PRKAA1: variants seen among roughly 807,000 people sequenced by gnomAD.
The protein encoded by PRKAA1 is 5'-AMP-activated protein kinase catalytic subunit alpha-1.
A neutral mutation model predicts 56.9 loss-of-function variants in PRKAA1; 23 were observed. That is an observed-to-expected ratio of 0.40 (90% CI 0.29 to 0.57). The LOEUF (loss-of-function observed/expected upper bound fraction) is 0.57, where lower values mean the gene tolerates loss of function less well. Among genes scored for constraint, PRKAA1 ranks in the 20% least tolerant of loss-of-function variants. The pLI, the probability that PRKAA1 is intolerant of heterozygous loss-of-function variation, is 0.39. For missense variants in PRKAA1, 413 were observed against 679.7 expected (o/e 0.61, Z 4.36); for synonymous variants, 226 against 227.0 (o/e 1.00, Z 0.04).
intron 5 of PRKAA1, among the ~76,000 whole-genome samples, chr5:40,768,174 T>C (rs1743557652): frequency 6.6e-6 from 1 of 152,198 alleles, no homozygotes; most frequent in South Asian, 2.1e-4. Context: ...TTGCAGTGCA[T>C]TGTAGTCAAG....
chr5:40,765,364 T>C, intron 6 of PRKAA1, 126 bp from the exon 7 acceptor site: 1 of 1,174,426 alleles, frequency 8.5e-7, no homozygotes, highest in Non-Finnish European at 1.2e-6. Flanking sequence ...TTGTCACTTT[T>C]TGCACTGAAA....
At chr5:40,784,250 C>G (rs965447826) in intron 1 of PRKAA1, among the ~76,000 whole-genome samples, 1 of 152,168 alleles carries the variant, frequency 6.6e-6, no homozygotes, top group Non-Finnish European at 1.5e-5. Context: ...ATTGGTGATA[C>G]CTATCCATGT....
At chr5:40,785,822 GCACACACACA>G (rs147705979) in intron 1 of PRKAA1, among the ~76,000 whole-genome samples, 12 of 93,072 alleles carry the variant, frequency 1.3e-4, no homozygotes, top group African/African-American at 4.7e-4. Flanking sequence ...GAAGAGGAGA[GCACACACACA>G]CACACACAGA....
In PRKAA1 at chr5:40,760,589, T is replaced by C. The variant is rs1208669440; in HGVS notation, c.*2189A>G. ...AAGAGAGGGCCACATAAAAAGTAAATACAGTTTTGAACTCATATTTAAATG... is the reference window on the plus strand; with the variant it reads ...AAGAGAGGGCCACATAAAAAGTAAACACAGTTTTGAACTCATATTTAAATG... On this transcript the variant is annotated 3_prime_UTR_variant, in exon 9 of 9. Coordinates refer to ENST00000397128, the MANE Select transcript of PRKAA1 (RefSeq NM_006251.6). 1 of 152,676 alleles carries C rather than the reference T, an allele frequency of 6.5e-6. No individual in the cohort carries two copies. 9.5% of individuals were successfully genotyped at this position (152,676 alleles called of 1,614,324 possible).
At chr5:40,784,635 A>G (rs1440609022) in intron 1 of PRKAA1, among the ~76,000 whole-genome samples, 1 of 152,206 alleles carries the variant, frequency 6.6e-6, no homozygotes, top group African/African-American at 2.4e-5. Flanking sequence ...TTTACAACAT[A>G]AATCTAGTTC....
At chr5:40,767,360 TA>T (rs1743509749) in intron 6 of PRKAA1, 105 bp downstream of exon 6, 2 of 901,924 alleles carry the variant, frequency 2.2e-6, no homozygotes, top group Non-Finnish European at 3.3e-6. Flanking sequence ...TTTTTTCACA[TA>T]AAAACAGGAT....
chr5:40,795,014 C>T (rs941423119), intron 1 of PRKAA1, among the ~76,000 whole-genome samples: 3 of 151,788 alleles, frequency 2.0e-5, no homozygotes, highest in Non-Finnish European at 4.4e-5. Context: ...TATATACACA[C>T]ACACACACAC....
intron 1 of PRKAA1, among the ~76,000 whole-genome samples, chr5:40,780,735 C>T (rs1415361259): frequency 3.9e-5 from 6 of 152,142 alleles, no homozygotes; most frequent in East Asian, 3.8e-4. Context: ...AAGAAAAGTC[C>T]GTTCCAGCTC....
At chr5:40,779,538 G>A (rs1197595174) in intron 1 of PRKAA1, among the ~76,000 whole-genome samples, 1 of 152,202 alleles carries the variant, frequency 6.6e-6, no homozygotes, top group African/African-American at 2.4e-5. Context: ...AATAGGAACA[G>A]AGAAAATGTA....
chr5:40,784,902 T>C (rs1418355888), intron 1 of PRKAA1, among the ~76,000 whole-genome samples: 1 of 152,232 alleles, frequency 6.6e-6, no homozygotes, highest in Non-Finnish European at 1.5e-5. Flanking sequence ...AAGTGAAATT[T>C]GATTTTTTTA....
In PRKAA1 at chr5:40,760,816, G is replaced by C. The variant is rs1743154462; in HGVS notation, c.*1962C>G. 1 of 152,566 alleles carries C rather than the reference G, an allele frequency of 6.6e-6. No homozygotes were observed. Among genetic ancestry groups the C allele is most frequent in the Admixed American group, 6.6e-5 (1 of 15,256 alleles). 9.5% of individuals were successfully genotyped at this position (152,566 alleles called of 1,614,324 possible). ...GGTTACATAAGTGCTCACTGTATTT[G>C]CCAAAAATAATCCTAAAATATGATT... is the stretch of plus-strand genomic sequence containing the variant. On this transcript the variant is annotated 3_prime_UTR_variant, in exon 9 of 9. Coordinates refer to ENST00000397128, the MANE Select transcript of PRKAA1 (RefSeq NM_006251.6).
At chr5:40,772,002 G>C in intron 3 of PRKAA1, 139 bp from the exon 4 acceptor site, 1 of 1,060,868 alleles carries the variant, frequency 9.4e-7, no homozygotes, top group Non-Finnish European at 1.3e-6. Context: ...CTTTTGACAT[G>C]AGGAGGAGAT....
chr5:40,765,090 T>A lies in PRKAA1; in HGVS notation c.970A>T (p.Asn324Tyr). 1 of 1,614,236 alleles carries A rather than the reference T, an allele frequency of 6.2e-7. No homozygotes were observed. Among genetic ancestry groups the A allele is most frequent in the Non-Finnish European group, 8.5e-7 (1 of 1,180,034 alleles). Residue 324 changes from asparagine (N) to tyrosine (Y), a missense_variant, in exon 7 of 9, where the codon AAC becomes TAC. Physicochemically the swap from Asn to Tyr is moderately radical, Grantham distance 143. Transcript: ENST00000397128. ...GCCAAAGGATCCTGGTGATTTCTGT[T>A]GTAAAGACAGCTGAGAACTTCCTCT... ...SEEEVLSCLY[N>Y]RNHQDPLAVA...
At position 40,767,475 on chromosome 5, in the gene PRKAA1, T is replaced by C. The variant is rs550046547; in HGVS notation, c.812A>G (p.Lys271Arg). The change falls in exon 6 of 9, where the codon AAA (lysine) becomes AGA (arginine). Residue 271 changes from lysine (K) to arginine (R), a missense_variant. By Grantham distance (26) the Lys-to-Arg change is conservative. Coordinates refer to ENST00000397128, the MANE Select transcript of PRKAA1 (RefSeq NM_006251.6). ...CAAACTGCTTTATTACCTGATATCT[T>C]TGATTGTGGCCCTCTTCATGGGATC... ...QVDPMKRATI[K>R]DIREHEWFKQ... 9 of 1,609,396 alleles carry C rather than the reference T, an allele frequency of 5.6e-6. No individual in the cohort carries two copies. In the South Asian group the frequency reaches 9.9e-5, roughly 18 times the overall value.
At chr5:40,774,521 G>A (rs1743898761) in intron 3 of PRKAA1, among the ~76,000 whole-genome samples, 1 of 146,290 alleles carries the variant, frequency 6.8e-6, no homozygotes, top group African/African-American at 2.5e-5. Context: ...TATATCAATT[G>A]TGCCTGTTTC....
intron 3 of PRKAA1, among the ~76,000 whole-genome samples, chr5:40,773,816 G>A (rs1196165775): frequency 1.3e-5 from 2 of 152,180 alleles, no homozygotes; most frequent in Non-Finnish European, 2.9e-5. Flanking sequence ...CCATATTGGG[G>A]AATAAGACCT....
intron 1 of PRKAA1, among the ~76,000 whole-genome samples, chr5:40,783,615 C>G (rs1002932994): frequency 6.6e-6 from 1 of 151,994 alleles, no homozygotes; most frequent in Non-Finnish European, 1.5e-5. Flanking sequence ...AAAAATTAAC[C>G]AGGCGTGTTG....
At chr5:40,792,209 A>C (rs958690092) in intron 1 of PRKAA1, among the ~76,000 whole-genome samples, 1 of 152,250 alleles carries the variant, frequency 6.6e-6, no homozygotes, top group Non-Finnish European at 1.5e-5. Context: ...AGTGGTAGGC[A>C]TATTGAACAC....
At chr5:40,765,375 T>C in intron 6 of PRKAA1, 137 bp from the exon 7 acceptor site, 5 of 1,086,454 alleles carry the variant, frequency 4.6e-6, no homozygotes, top group Non-Finnish European at 6.3e-6. Flanking sequence ...TGCACTGAAA[T>C]TTTCCTCTTC....
Sources: allele counts gnomAD v4.1 joint callset (sites outside exome capture counted in the v4.1 genomes callset), GRCh38; gene constraint gnomAD v4.1.1; transcripts MANE v1.5; gene names NCBI Gene and HGNC (gene_info 2026-07-23, HGNC 2026-07-21).